PPP1CC: variants seen among roughly 807,000 people sequenced by gnomAD.
PPP1CC encodes serine/threonine-protein phosphatase PP1-gamma catalytic subunit.
In PPP1CC, 16 loss-of-function variants were observed where a neutral mutation model predicts 38.4. The ratio of observed to expected loss-of-function variants is 0.42; its 90% CI spans 0.28 to 0.63. The LOEUF (loss-of-function observed/expected upper bound fraction) is 0.63, where lower values mean the gene tolerates loss of function less well. Among genes scored for constraint, PPP1CC ranks in the 30% least tolerant of loss-of-function variants. PPP1CC has a pLI of 0.25. For missense variants in PPP1CC, 170 were observed against 391.3 expected, an observed-to-expected ratio of 0.43 and a Z score of 4.77; for synonymous variants, 158 against 136.0, an observed-to-expected ratio of 1.16 and a Z score of -1.13.
chr12:110,718,659 T>G (rs571843407), downstream of PPP1CC, among the ~76,000 whole-genome samples: 124 of 152,164 alleles, frequency 8.1e-4, no homozygotes, highest in African/African-American at 3.0e-3. Flanking sequence ...GAGTTGAGCA[T>G]TCTAAAGACA....
the PPP1CC span, among the ~76,000 whole-genome samples, chr12:110,709,092 AGAT>A: frequency 6.6e-6 from 1 of 152,170 alleles, no homozygotes; most frequent in African/African-American, 2.4e-5. Flanking sequence ...TAGAAACAAC[AGAT>A]GATAGAAACA....
Position 110,722,084 on chromosome 12 carries a change from C to A in PPP1CC, c.882+51G>T. On this transcript the variant is annotated intron_variant, in intron 6 of 6. Transcript: ENST00000335007. The surrounding 1 kb of genome is among the most constrained non-coding windows in gnomAD (Gnocchi z 5.4). The stretch of plus-strand genomic sequence containing the variant: ...AAAAGTAGCAATTATATTTTTCAAT[C>A]AGCAAAGTGTAAACATATTAAAAGG... The A allele has an allele frequency of 6.2e-7, 1 of 1,601,154 alleles. No homozygotes were observed. Among genetic ancestry groups the A allele is most frequent in the Non-Finnish European group, 8.5e-7 (1 of 1,172,690 alleles).
chr12:110,735,951 G>A (rs1480575540), intron 1 of PPP1CC, among the ~76,000 whole-genome samples: 2 of 152,112 alleles, frequency 1.3e-5, no homozygotes, highest in Non-Finnish European at 2.9e-5. Context: ...TGTAATCCCA[G>A]CTACTCGGGA....
At chr12:110,726,209 C>A (rs1385071024) in intron 3 of PPP1CC, 4 of 152,290 alleles carry the variant, frequency 2.6e-5, no homozygotes, top group African/African-American at 9.6e-5. Context: ...AACCACACCT[C>A]CCACCCTGTA....
intron 1 of PPP1CC, among the ~76,000 whole-genome samples, chr12:110,740,875 T>C (rs1470430852): frequency 6.6e-6 from 1 of 152,234 alleles, no homozygotes; most frequent in Non-Finnish European, 1.5e-5. Flanking sequence ...TCCATGCAAA[T>C]TCCAACTTTT....
intron 1 of PPP1CC, among the ~76,000 whole-genome samples, chr12:110,741,292 G>T (rs2070014585): frequency 6.6e-6 from 1 of 152,006 alleles, no homozygotes; most frequent in Non-Finnish European, 1.5e-5. Context: ...TACTTTAAAA[G>T]ATCTGTAAAT....
At chr12:110,710,952 G>C in the PPP1CC span, among the ~76,000 whole-genome samples, 2 of 151,798 alleles carry the variant, frequency 1.3e-5, no homozygotes, top group African/African-American at 2.4e-5. Flanking sequence ...GAGGCAGGTG[G>C]ATCACTTGAA....
At chr12:110,725,750 C>T (rs1329010831) in intron 3 of PPP1CC, 1 of 152,258 alleles carries the variant, frequency 6.6e-6, no homozygotes, top group Non-Finnish European at 1.5e-5. Flanking sequence ...ACTTACTATA[C>T]TAAGCACAAT....
At chr12:110,719,639 C>G (rs1218816205), downstream of PPP1CC, 1 of 152,734 alleles carries the variant, frequency 6.5e-6, no homozygotes, top group Non-Finnish European at 1.5e-5. Context: ...AAACTATGGA[C>G]ACAGATTAAT....
the PPP1CC span, among the ~76,000 whole-genome samples, chr12:110,711,445 A>T: frequency 3.9e-5 from 6 of 152,034 alleles, no homozygotes; most frequent in Non-Finnish European, 4.4e-5. Flanking sequence ...AACACAATGA[A>T]GAAAAGTAAG....
intron 1 of PPP1CC, among the ~76,000 whole-genome samples, chr12:110,738,458 G>T (rs897836988): frequency 1.3e-5 from 2 of 152,272 alleles, no homozygotes; most frequent in Admixed American, 1.3e-4. Context: ...GTTAAATGGT[G>T]AAGTCCACAT....
At chr12:110,739,804 G>A (rs1164658500) in intron 1 of PPP1CC, among the ~76,000 whole-genome samples, 2 of 152,182 alleles carry the variant, frequency 1.3e-5, no homozygotes, top group Admixed American at 6.5e-5. Context: ...CATTTACAAA[G>A]TAAAACTGCC....
At chr12:110,730,937 A>G (rs1477688014) in intron 2 of PPP1CC, among the ~76,000 whole-genome samples, 178 bp from the exon 3 acceptor site, 1 of 152,224 alleles carries the variant, frequency 6.6e-6, no homozygotes, top group Non-Finnish European at 1.5e-5. Flanking sequence ...ATTTAGTTCA[A>G]CTGAGCTTAA....
chr12:110,736,246 G>A (rs749530110), intron 1 of PPP1CC, among the ~76,000 whole-genome samples: 2 of 152,170 alleles, frequency 1.3e-5, no homozygotes, highest in Non-Finnish European at 2.9e-5. Context: ...AGGTTGCTCT[G>A]TAGAAATGTA....
chr12:110,738,539 T>C (rs1279598363), intron 1 of PPP1CC, among the ~76,000 whole-genome samples: 4 of 152,218 alleles, frequency 2.6e-5, no homozygotes, highest in South Asian at 2.1e-4. Flanking sequence ...GGTACTGTGA[T>C]TCTGCACAAC....
In PPP1CC at chr12:110,721,031, A is replaced by G. The variant is rs2069732870; in HGVS notation, c.*45T>C. The G allele has an allele frequency of 1.9e-6, 3 of 1,538,546 alleles. No individual in the cohort carries two copies. Among genetic ancestry groups the G allele is most frequent in the African/African-American group, 2.7e-5 (2 of 73,436 alleles). ...TTACAGTCTTAAAAATGAAGGTTAT[A>G]TACTCTATGTTACAAGTCCCGACTA... is the stretch of plus-strand genomic sequence containing the variant. On this transcript the variant is annotated 3_prime_UTR_variant, in exon 7 of 7. Coordinates refer to ENST00000335007, the MANE Select transcript of PPP1CC (RefSeq NM_002710.4).
At position 110,722,749 on chromosome 12, in the gene PPP1CC, C is replaced by T. The variant is rs751415882; in HGVS notation, c.524-54G>A. ...AGAAAGCAGAACTTTTAAAAGGATA[C>T]TACCCCTTCAAAAGTTCCATTTGTC... On this transcript the variant is annotated intron_variant, in intron 4 of 6. Transcript: ENST00000335007. The surrounding 1 kb of genome is among the most constrained non-coding windows in gnomAD (Gnocchi z 5.4). 1.5e-6 allele frequency: 2 copies of T among 1,361,710 alleles called. No homozygotes were observed. The highest frequency in any genetic ancestry group is 2.4e-5 in the Admixed American group (1 of 42,240). 84.4% of individuals were successfully genotyped at this position (1,361,710 alleles called of 1,614,324 possible).
the PPP1CC span, among the ~76,000 whole-genome samples, chr12:110,709,003 C>A: frequency 6.6e-6 from 1 of 152,000 alleles, no homozygotes; most frequent in African/African-American, 2.4e-5. Flanking sequence ...CAGAGAATCC[C>A]ATGGATAAAG....
chr12:110,733,974 C>T (rs1446236075), intron 1 of PPP1CC, among the ~76,000 whole-genome samples: 2 of 152,162 alleles, frequency 1.3e-5, no homozygotes, highest in South Asian at 2.1e-4. Context: ...AGTTATCATA[C>T]AACTGCTCAG....
Sources: allele counts gnomAD v4.1 joint callset (sites outside exome capture counted in the v4.1 genomes callset), GRCh38; gene constraint gnomAD v4.1.1; non-coding constraint Gnocchi (gnomAD v3.1); transcripts MANE v1.5; gene names NCBI Gene and HGNC (gene_info 2026-07-23, HGNC 2026-07-21).